Variants in KCNN2 observed in about 807,000 individuals in gnomAD.
KCNN2 encodes small conductance calcium-activated potassium channel protein 2.
In KCNN2, 24 loss-of-function variants were observed where a neutral mutation model predicts 55.5. The observed-to-expected ratio is 0.43, with a 90% CI of 0.31 to 0.61. The LOEUF is 0.61. Ranked by LOEUF, KCNN2 falls within the 20% of genes least tolerant of loss-of-function variation. The probability of loss-of-function intolerance (pLI) is 0.08; values close to 1 mark genes in which losing one functional copy is unlikely to be tolerated. For synonymous variants in KCNN2, 431 were observed against 336.1 expected (o/e 1.28, Z -3.09); for missense variants, 754 against 853.6 (o/e 0.88, Z 1.45).
intron 4 of KCNN2, among the ~76,000 whole-genome samples, chr5:114,466,542 G>A (rs1761462159): frequency 6.6e-6 from 1 of 151,826 alleles, no homozygotes; most frequent in South Asian, 2.1e-4. Flanking sequence ...GAATATATAT[G>A]ATTGTTTCAA....
intron 2 of KCNN2, among the ~76,000 whole-genome samples, chr5:114,261,813 A>G (rs1203035527): frequency 1.3e-5 from 2 of 152,190 alleles, no homozygotes; most frequent in African/African-American, 4.8e-5. Flanking sequence ...CTGGCAGGCT[A>G]AGGCTGGTCA....
intron 1 of KCNN2, among the ~76,000 whole-genome samples, chr5:114,139,465 C>A (rs1332716024): frequency 6.7e-6 from 1 of 150,008 alleles, no homozygotes; most frequent in Non-Finnish European, 1.5e-5. Context: ...AACCACCCCC[C>A]CCACACACAC....
At chr5:114,368,175 C>G (rs746547278) in intron 2 of KCNN2, among the ~76,000 whole-genome samples, 2 of 152,024 alleles carry the variant, frequency 1.3e-5, no homozygotes, top group Non-Finnish European at 2.9e-5. Context: ...ATGTGGGTTG[C>G]AAAGTGCTGA....
At chr5:114,377,010 G>A (rs1275340723) in intron 2 of KCNN2, among the ~76,000 whole-genome samples, 1 of 152,170 alleles carries the variant, frequency 6.6e-6, no homozygotes, top group African/African-American at 2.4e-5. Flanking sequence ...GAGCCCAGGA[G>A]TGAAGACTGC....
At chr5:114,384,682 T>C (rs1758223089) in intron 2 of KCNN2, among the ~76,000 whole-genome samples, 1 of 152,188 alleles carries the variant, frequency 6.6e-6, no homozygotes, top group Non-Finnish European at 1.5e-5. Flanking sequence ...TCTAATTGCA[T>C]ACGACCAGTA....
At chr5:114,309,852 A>G (rs1484125137) in intron 2 of KCNN2, among the ~76,000 whole-genome samples, 1 of 152,198 alleles carries the variant, frequency 6.6e-6, no homozygotes, top group Non-Finnish European at 1.5e-5. Flanking sequence ...GTTTACAGAT[A>G]GTCTAGAGTC....
At chr5:114,465,754 A>G (rs1314634271) in intron 4 of KCNN2, among the ~76,000 whole-genome samples, 1 of 152,196 alleles carries the variant, frequency 6.6e-6, no homozygotes, top group Non-Finnish European at 1.5e-5. Context: ...TAGGCTGAGG[A>G]GCTCCATTCC....
intron 1 of KCNN2, among the ~76,000 whole-genome samples, chr5:114,089,843 A>G (rs1751099869): frequency 6.6e-6 from 1 of 152,218 alleles, no homozygotes; most frequent in Non-Finnish European, 1.5e-5. Flanking sequence ...AAGACTGAGA[A>G]AAACTTCCAG....
chr5:114,449,336 G>A (rs755194428), intron 3 of KCNN2, among the ~76,000 whole-genome samples: 24 of 152,262 alleles, frequency 1.6e-4, no homozygotes, highest in Non-Finnish European at 2.4e-4. Context: ...CCAAAGCTGC[G>A]CATACTCTGA....
At chr5:114,114,834 T>C (rs1307381573) in intron 1 of KCNN2, among the ~76,000 whole-genome samples, 1 of 152,150 alleles carries the variant, frequency 6.6e-6, no homozygotes, top group Non-Finnish European at 1.5e-5. Flanking sequence ...AATGGATCAT[T>C]GCACGACAAT....
chr5:114,295,008 T>C (rs1440040570), intron 2 of KCNN2, among the ~76,000 whole-genome samples: 3 of 152,198 alleles, frequency 2.0e-5, no homozygotes, highest in Non-Finnish European at 4.4e-5. Context: ...CTGCCTTTTT[T>C]TGTTTTCCAT....
At chr5:114,413,395 C>T (rs1759195440) in intron 3 of KCNN2, among the ~76,000 whole-genome samples, 2 of 152,308 alleles carry the variant, frequency 1.3e-5, no homozygotes, top group South Asian at 4.1e-4. Context: ...AGCGATTCTC[C>T]TGCCTCAGCC....
chr5:114,236,372 G>GT (rs1158072295), intron 2 of KCNN2, among the ~76,000 whole-genome samples: 1 of 151,650 alleles, frequency 6.6e-6, no homozygotes, highest in Admixed American at 6.6e-5. Context: ...TAAAGATTAT[G>GT]TTTTTTTCTT....
At chr5:114,155,143 GTT>G (rs1752604240) in intron 1 of KCNN2, among the ~76,000 whole-genome samples, 1 of 151,686 alleles carries the variant, frequency 6.6e-6, no homozygotes, top group East Asian at 2.1e-4. Context: ...GTGGTATTTG[GTT>G]TTCTGTTCCT....
chr5:114,282,235 A>G (rs1315834313), intron 2 of KCNN2, among the ~76,000 whole-genome samples: 1 of 152,088 alleles, frequency 6.6e-6, no homozygotes, highest in East Asian at 1.9e-4. Flanking sequence ...ACATAATCTA[A>G]TCATTCCTTT....
chr5:114,150,426 A>T (rs1359067994), intron 1 of KCNN2, among the ~76,000 whole-genome samples: 1 of 152,180 alleles, frequency 6.6e-6, no homozygotes, highest in African/African-American at 2.4e-5. Context: ...CTATAACAGA[A>T]AAGTAGAGAA....
intron 2 of KCNN2, among the ~76,000 whole-genome samples, chr5:114,369,007 C>G (rs1028783255): frequency 6.6e-6 from 1 of 151,962 alleles, no homozygotes; most frequent in African/African-American, 2.4e-5. Flanking sequence ...AAATGAACAT[C>G]CTTATATATT....
chr5:114,441,495 T>C (rs886153515), intron 3 of KCNN2, among the ~76,000 whole-genome samples: 3 of 152,160 alleles, frequency 2.0e-5, no homozygotes, highest in Admixed American at 2.0e-4. Flanking sequence ...CAGAGAACAA[T>C]GCAGAAAAAT....
At chr5:114,091,027 A>G (rs938173864) in intron 1 of KCNN2, among the ~76,000 whole-genome samples, 1 of 151,894 alleles carries the variant, frequency 6.6e-6, no homozygotes, top group Admixed American at 6.6e-5. Flanking sequence ...TTTTGTAGAG[A>G]TGGGTTTTTG....
Sources: allele counts gnomAD v4.1 joint callset (sites outside exome capture counted in the v4.1 genomes callset), GRCh38; gene constraint gnomAD v4.1.1; transcripts MANE v1.5; gene names NCBI Gene and HGNC (gene_info 2026-07-23, HGNC 2026-07-21).